Variants in HPSE2 observed in about 807,000 individuals in gnomAD.
The protein encoded by HPSE2 is inactive heparanase-2.
Under a neutral mutation model 60.5 loss-of-function variants are expected in HPSE2, and 38 were observed. The ratio of observed to expected loss-of-function variants is 0.63; its 90% CI spans 0.48 to 0.82. The LOEUF is 0.82. HPSE2 is among the 40% of genes least tolerant of loss of function. The pLI, the probability that HPSE2 is intolerant of heterozygous loss-of-function variation, is 0.00. For missense variants in HPSE2, 713 were observed against 740.4 expected (o/e 0.96, Z 0.43); for synonymous variants, 295 against 293.2 (o/e 1.01, Z -0.06).
chr10:99,025,754 T>A (rs931432925), intron 3 of HPSE2, among the ~76,000 whole-genome samples: 1 of 152,016 alleles, frequency 6.6e-6, no homozygotes, highest in Non-Finnish European at 1.5e-5. Context: ...ATAACTGTTG[T>A]GTACTGGGCT....
chr10:98,872,517 A>C (rs909605740), intron 3 of HPSE2, among the ~76,000 whole-genome samples: 4 of 152,086 alleles, frequency 2.6e-5, no homozygotes, highest in African/African-American at 9.7e-5. Flanking sequence ...AAAGCACCTT[A>C]CTTTTTAATG....
chr10:98,759,507 G>A (rs1949958454), intron 3 of HPSE2, among the ~76,000 whole-genome samples: 1 of 152,016 alleles, frequency 6.6e-6, no homozygotes, highest in Non-Finnish European at 1.5e-5. Flanking sequence ...ATTCCTCAGT[G>A]TGTGTATATC....
the HPSE2 span, among the ~76,000 whole-genome samples, chr10:99,289,852 T>C: frequency 6.6e-6 from 1 of 152,134 alleles, no homozygotes; most frequent in African/African-American, 2.4e-5. Context: ...ACTGCTGAAA[T>C]AAATAAATAC....
chr10:98,522,587 G>A (rs945305624), intron 9 of HPSE2, among the ~76,000 whole-genome samples: 4 of 152,128 alleles, frequency 2.6e-5, no homozygotes, highest in Non-Finnish European at 4.4e-5. Flanking sequence ...AGATTCTCCT[G>A]CCTCAGCCTC....
Position 98,592,393 on chromosome 10 carries a change from A to C in HPSE2, c.1320+22511T>G, listed in dbSNP as rs551289677. Among the ~76,000 whole-genome samples, 7 of 152,278 alleles carry C rather than the reference A, an allele frequency of 4.6e-5. No homozygotes were observed. The South Asian group carries it at 1.5e-3, about 32-fold the overall frequency. Reference sequence around the variant, plus strand: ...AATGTCTTATAGTTTACGTAACTTTATTGGGTTCTCCCTCAAACAAAAATC... The same window carrying C: ...AATGTCTTATAGTTTACGTAACTTTCTTGGGTTCTCCCTCAAACAAAAATC... On this transcript the variant is annotated intron_variant, in intron 9 of 11. Coordinates refer to ENST00000370552, the MANE Select transcript of HPSE2 (RefSeq NM_021828.5).
At chr10:99,132,111 T>C (rs952272331) in intron 3 of HPSE2, among the ~76,000 whole-genome samples, 34 of 140,540 alleles carry the variant, frequency 2.4e-4, no homozygotes, top group African/African-American at 8.8e-4. Flanking sequence ...AAATTCCGTC[T>C]TAAAAAAGAA....
At chr10:99,070,056 G>T (rs1487341084) in intron 3 of HPSE2, among the ~76,000 whole-genome samples, 2 of 152,028 alleles carry the variant, frequency 1.3e-5, no homozygotes, top group Non-Finnish European at 2.9e-5. Flanking sequence ...TTTTAAAAAG[G>T]TTTTCTGTGC....
At chr10:99,298,820 A>G in the HPSE2 span, among the ~76,000 whole-genome samples, 1 of 152,044 alleles carries the variant, frequency 6.6e-6, no homozygotes, top group Non-Finnish European at 1.5e-5. Context: ...GACTACAGGC[A>G]TGTGCCACCA....
At chr10:99,299,501 T>C in the HPSE2 span, among the ~76,000 whole-genome samples, 1 of 152,222 alleles carries the variant, frequency 6.6e-6, no homozygotes, top group Non-Finnish European at 1.5e-5. Flanking sequence ...TAACTTGGCA[T>C]GGCATGCAGA....
chr10:98,459,520 G>C lies in HPSE2; in HGVS notation c.*54C>G. The C allele has an allele frequency of 6.4e-7, 1 of 1,572,150 alleles. No homozygotes were observed. The highest frequency in any genetic ancestry group is 1.7e-5 in the Admixed American group (1 of 59,950). On this transcript the variant is annotated 3_prime_UTR_variant, in exon 12 of 12. Transcript: ENST00000370552. ...GAAAACAGAGGATACTACTGGAGTG[G>C]AGGAGTGGAAGCAGCCCAGCAGGCC...
intron 6 of HPSE2, among the ~76,000 whole-genome samples, 161 bp downstream of exon 6, chr10:98,693,739 A>T (rs1948139294): frequency 6.6e-6 from 1 of 152,208 alleles, no homozygotes; most frequent in Non-Finnish European, 1.5e-5. Flanking sequence ...GTACTATGAG[A>T]CAGTATGTGC....
At chr10:98,685,897 AT>A (rs1226498207) in intron 6 of HPSE2, among the ~76,000 whole-genome samples, 2 of 152,160 alleles carry the variant, frequency 1.3e-5, no homozygotes, top group Non-Finnish European at 2.9e-5. Flanking sequence ...TGTAAGTTGT[AT>A]TTTTCAAAGA....
chr10:98,863,390 T>TGA lies in HPSE2; in HGVS notation c.611-119336_611-119335dup, dbSNP rs532291743. ...GTATCTGTGTGTCTGTGTCTGTGTG[T>TGA]GAGAGAGAGAGTGGAATTGGGAAGC... On this transcript the variant is annotated intron_variant, in intron 3 of 11. Transcript: ENST00000370552. Among the ~76,000 whole-genome samples, 266 of 152,104 alleles carry TGA rather than the reference T, an allele frequency of 1.7e-3. 1 individual carries two copies. Among genetic ancestry groups the TGA allele is most frequent in the African/African-American group, 6.3e-3 (262 of 41,494 alleles).
At chr10:99,301,203 C>A in the HPSE2 span, among the ~76,000 whole-genome samples, 1 of 152,104 alleles carries the variant, frequency 6.6e-6, no homozygotes, top group Non-Finnish European at 1.5e-5. Context: ...CAGTTCTTCC[C>A]CAAGGTTTTA....
At chr10:99,007,879 C>T (rs149223270) in intron 3 of HPSE2, among the ~76,000 whole-genome samples, 12 of 152,292 alleles carry the variant, frequency 7.9e-5, no homozygotes, top group East Asian at 3.9e-4. Flanking sequence ...GGACCTAAAG[C>T]GGAGATTCAG....
At chr10:98,566,430 T>C (rs546297399) in intron 9 of HPSE2, among the ~76,000 whole-genome samples, 1 of 152,320 alleles carries the variant, frequency 6.6e-6, no homozygotes, top group African/African-American at 2.4e-5. Flanking sequence ...CCATTGCACA[T>C]GCACGGGAGG....
chr10:99,080,658 G>T (rs1843103075), intron 3 of HPSE2, among the ~76,000 whole-genome samples: 2 of 152,130 alleles, frequency 1.3e-5, no homozygotes, highest in Admixed American at 1.3e-4. Flanking sequence ...TGCTCTTTGA[G>T]ATTTAAGACA....
chr10:99,008,235 C>T (rs1956934936), intron 3 of HPSE2, among the ~76,000 whole-genome samples: 1 of 152,198 alleles, frequency 6.6e-6, no homozygotes, highest in Admixed American at 6.5e-5. Context: ...CCAATAAAAT[C>T]TGTGCCCCAG....
At chr10:98,996,097 T>A (rs1301022001) in intron 3 of HPSE2, among the ~76,000 whole-genome samples, 1 of 152,126 alleles carries the variant, frequency 6.6e-6, no homozygotes, top group Non-Finnish European at 1.5e-5. Flanking sequence ...AAAAAGAGAT[T>A]GGTAAAAACT....
Sources: allele counts gnomAD v4.1 joint callset (sites outside exome capture counted in the v4.1 genomes callset), GRCh38; gene constraint gnomAD v4.1.1; transcripts MANE v1.5; gene names NCBI Gene and HGNC (gene_info 2026-07-23, HGNC 2026-07-21).